The following ZMYND8 variants were observed in gnomAD, a reference collection of about 807,000 sequenced individuals.
The protein encoded by ZMYND8 is MYND-type zinc finger-containing chromatin reader ZMYND8.
A neutral mutation model predicts 140.8 loss-of-function variants in ZMYND8; 37 were observed. The observed-to-expected ratio is 0.26, with a 90% confidence interval of 0.20 to 0.35. ZMYND8 has a LOEUF of 0.35. Ranked by LOEUF, ZMYND8 falls within the 10% of genes least tolerant of loss-of-function variation. The pLI is 1.00. For synonymous variants in ZMYND8, 592 were observed against 597.1 expected (o/e 0.99, Z 0.12); for missense variants, 1,068 against 1,570.0 (o/e 0.68, Z 5.40).
At position 47,232,897 on chromosome 20, in the gene ZMYND8, G is replaced by GT. The variant is rs144707608; in HGVS notation, c.2857-3092dup. On this transcript the variant is annotated intron_variant, in intron 16 of 22. Coordinates refer to ENST00000471951, the MANE Select transcript of ZMYND8 (RefSeq NM_001281775.3). ...GACAACCTCCCCCATGTTTTTTTTT[G>GT]TTTTTTTTGTTTTTTTTTTTTTTTG... Among the ~76,000 whole-genome samples the GT allele has an allele frequency of 8.5e-3, 595 of 69,896 alleles. 15 individuals are homozygous for GT. The highest frequency in any genetic ancestry group is 0.023 in the African/African-American group (543 of 23,224). 45.9% of individuals were successfully genotyped at this position (69,896 alleles called of 152,430 possible).
intron 2 of ZMYND8, chr20:47,319,084 A>G (rs2079679561): frequency 7.6e-7 from 1 of 1,315,892 alleles, no homozygotes; most frequent in Non-Finnish European, 1.0e-6. Context: ...GGAAGAAGCA[A>G]AGAGAACAGG....
At chr20:47,212,758 G>A in intron 21 of ZMYND8, 33 bp from the exon 22 acceptor site, 2 of 1,567,222 alleles carry the variant, frequency 1.3e-6, no homozygotes, top group Non-Finnish European at 8.7e-7. Flanking sequence ...CTCAGAGTCT[G>A]TCAGAGAGCT....
intron 3 of ZMYND8, among the ~76,000 whole-genome samples, chr20:47,303,457 C>T (rs1297076595): frequency 6.6e-6 from 1 of 152,128 alleles, no homozygotes; most frequent in Non-Finnish European, 1.5e-5. Context: ...GTGGCTCACG[C>T]CTGTAATCCC....
chr20:47,215,785 C>T (rs144014451), intron 21 of ZMYND8, among the ~76,000 whole-genome samples: 2 of 152,322 alleles, frequency 1.3e-5, no homozygotes, highest in South Asian at 2.1e-4. Flanking sequence ...TGTTAAATTC[C>T]ATTCCTCAGT....
At chr20:47,351,448 G>A (rs151269538) in intron 1 of ZMYND8, among the ~76,000 whole-genome samples, 1 of 152,276 alleles carries the variant, frequency 6.6e-6, no homozygotes, top group African/African-American at 2.4e-5. Context: ...TGGTTCTACA[G>A]ATGAGGATCA....
At chr20:47,267,859 G>A (rs749135379) in intron 11 of ZMYND8, among the ~76,000 whole-genome samples, 1 of 152,084 alleles carries the variant, frequency 6.6e-6, no homozygotes, top group African/African-American at 2.4e-5. Context: ...AGGCTTTCAC[G>A]CCCACCCTAG....
intron 10 of ZMYND8, among the ~76,000 whole-genome samples, chr20:47,280,739 G>A (rs991933028): frequency 3.9e-5 from 6 of 152,146 alleles, no homozygotes; most frequent in African/African-American, 4.8e-5. Context: ...GAGGAGGGAT[G>A]TACAGCCTGT....
At chr20:47,253,648 C>T (rs900214292) in intron 12 of ZMYND8, among the ~76,000 whole-genome samples, 1 of 151,914 alleles carries the variant, frequency 6.6e-6, no homozygotes, top group South Asian at 2.1e-4. Context: ...GTAAAGAAAA[C>T]TCACTATTTG....
chr20:47,273,809 A>G (rs2147763342), intron 11 of ZMYND8, among the ~76,000 whole-genome samples: 1 of 152,274 alleles, frequency 6.6e-6, no homozygotes, highest in South Asian at 2.1e-4. Flanking sequence ...ACAATGACTA[A>G]ATAGTTGCAG....
chr20:47,329,962 G>A (rs911040185), intron 2 of ZMYND8, among the ~76,000 whole-genome samples: 3 of 152,128 alleles, frequency 2.0e-5, no homozygotes, highest in South Asian at 2.1e-4. Context: ...GTATGCATAC[G>A]AATTTCTGAT....
chr20:47,286,073 T>C (rs1169561614), intron 8 of ZMYND8, among the ~76,000 whole-genome samples: 3 of 152,004 alleles, frequency 2.0e-5, no homozygotes, highest in Non-Finnish European at 4.4e-5. Context: ...GCCAGGCTAA[T>C]TAATTAGCTG....
At chr20:47,258,182 CT>C (rs1472335355) in intron 12 of ZMYND8, among the ~76,000 whole-genome samples, 1 of 152,218 alleles carries the variant, frequency 6.6e-6, no homozygotes, top group Non-Finnish European at 1.5e-5. Context: ...ACCTTACCCC[CT>C]GACCCCCAAA....
At chr20:47,245,983 A>G (rs1342602810) in intron 14 of ZMYND8, 25 bp downstream of exon 14, 10 of 1,548,654 alleles carry the variant, frequency 6.5e-6, no homozygotes, top group Non-Finnish European at 6.1e-6. Flanking sequence ...AATTAAGAAA[A>G]CTGGAAACAG....
At chr20:47,350,133 C>G in intron 1 of ZMYND8, 1 of 1,029,558 alleles carries the variant, frequency 9.7e-7, no homozygotes, top group Non-Finnish European at 1.3e-6. Context: ...GCACCATAAT[C>G]ACCCAACTTT....
chr20:47,233,801 A>G (rs1430713429), intron 16 of ZMYND8, among the ~76,000 whole-genome samples: 1 of 152,226 alleles, frequency 6.6e-6, no homozygotes, highest in Non-Finnish European at 1.5e-5. Context: ...TAAGTAACAT[A>G]CAAAAAGTGC....
intron 19 of ZMYND8, among the ~76,000 whole-genome samples, chr20:47,223,875 G>A (rs2037343142): frequency 6.6e-6 from 1 of 151,880 alleles, no homozygotes; most frequent in Non-Finnish European, 1.5e-5. Context: ...GCTTCCTGCT[G>A]GAAGCTCTAG....
Position 47,227,222 on chromosome 20 carries a change from G to C in ZMYND8, c.2997C>G (p.Ser999=). ...CCTTACCTAAGTTGTGTTTCATTTCGGAGAGCTCTTGCTGGTGCAGCCACT... is the reference window on the plus strand; with the variant it reads ...CCTTACCTAAGTTGTGTTTCATTTCCGAGAGCTCTTGCTGGTGCAGCCACT... ...KLQWLHQQEL[S]EMKHNLELTM... is the part of the protein sequence containing the mutation. The change falls in exon 18 of 23, where the codon TCC becomes TCG. Residue 999 remains serine, a synonymous_variant. Coordinates refer to ENST00000471951, the MANE Select transcript of ZMYND8 (RefSeq NM_001281775.3). 1 of 1,614,126 alleles carries C rather than the reference G, an allele frequency of 6.2e-7. No individual in the cohort carries two copies. Among genetic ancestry groups the C allele is most frequent in the Non-Finnish European group, 8.5e-7 (1 of 1,180,024 alleles).
chr20:47,241,846 C>G (rs1176600837), intron 14 of ZMYND8, among the ~76,000 whole-genome samples: 2 of 140,756 alleles, frequency 1.4e-5, no homozygotes. Context: ...GAGATGGAGT[C>G]TTGCTCTGTC....
At chr20:47,334,605 A>AAAATAT (rs773739583) in intron 2 of ZMYND8, among the ~76,000 whole-genome samples, 79 of 141,714 alleles carry the variant, frequency 5.6e-4, no homozygotes, top group Admixed American at 1.5e-3. Flanking sequence ...GAAAAAAAAA[A>AAAATAT]ATATATATAT....
Sources: gnomAD v4.1 joint callset for allele counts (sites outside exome capture counted in the v4.1 genomes callset) on GRCh38, gnomAD v4.1.1 for gene constraint, MANE v1.5 for transcripts, NCBI Gene and HGNC (gene_info 2026-07-23, HGNC 2026-07-21) for gene names.